The following FHIT variants were observed in gnomAD, a reference collection of about 807,000 sequenced individuals.
FHIT encodes fragile histidine triad diadenosine triphosphatase, also known as bis(5'-adenosyl)-triphosphatase.
A neutral mutation model predicts 17.9 loss-of-function variants in FHIT; 19 were observed. The observed-to-expected ratio is 1.06, with a 90% CI of 0.74 to 1.56. FHIT has a LOEUF of 1.56. FHIT is among the 40% of genes most tolerant of loss of function. The pLI is 0.00. For synonymous variants in FHIT, 81 were observed against 69.7 expected (o/e 1.16, Z -0.81); for missense variants, 248 against 189.2 (o/e 1.31, Z -1.82).
chr3:60,709,166 T>C (rs1261379365), intron 4 of FHIT, among the ~76,000 whole-genome samples: 1 of 152,132 alleles, frequency 6.6e-6, no homozygotes, highest in African/African-American at 2.4e-5. Flanking sequence ...CAGAAAACTT[T>C]CAAAACACTA....
chr3:60,759,459 T>A (rs1253866317), intron 4 of FHIT, among the ~76,000 whole-genome samples: 8 of 152,078 alleles, frequency 5.3e-5, no homozygotes, highest in African/African-American at 1.9e-4. Flanking sequence ...AAAACATCAG[T>A]ATTTAACCTT....
At chr3:60,151,038 G>T (rs1293192720) in intron 5 of FHIT, among the ~76,000 whole-genome samples, 1 of 152,176 alleles carries the variant, frequency 6.6e-6, no homozygotes, top group Non-Finnish European at 1.5e-5. Flanking sequence ...CATTGTTTGT[G>T]TGAGTTATAA....
At chr3:60,342,295 G>A (rs1449061707) in intron 5 of FHIT, among the ~76,000 whole-genome samples, 2 of 152,314 alleles carry the variant, frequency 1.3e-5, no homozygotes, top group Middle Eastern at 3.4e-3. Flanking sequence ...ATATCAGGCA[G>A]CTGATCACTC....
chr3:60,440,963 A>G (rs766101438), intron 5 of FHIT, among the ~76,000 whole-genome samples: 53 of 152,240 alleles, frequency 3.5e-4, no homozygotes, highest in Admixed American at 1.4e-3. Context: ...CAGCAAGAGA[A>G]ATGTATTATG....
intron 8 of FHIT, among the ~76,000 whole-genome samples, chr3:59,753,369 A>G (rs1486890533): frequency 6.6e-6 from 1 of 152,230 alleles, no homozygotes; most frequent in African/African-American, 2.4e-5. Context: ...AGGCATATTT[A>G]AAAAATTGTG....
intron 8 of FHIT, among the ~76,000 whole-genome samples, chr3:59,758,978 T>C (rs1022541630): frequency 3.3e-5 from 5 of 152,088 alleles, no homozygotes; most frequent in Non-Finnish European, 5.9e-5. Flanking sequence ...AATTTCATGT[T>C]ATAAGAACTC....
At chr3:60,121,616 G>T (rs570861647) in intron 5 of FHIT, among the ~76,000 whole-genome samples, 1 of 151,936 alleles carries the variant, frequency 6.6e-6, no homozygotes, top group Non-Finnish European at 1.5e-5. Flanking sequence ...CCAAGGAGGC[G>T]GAGGTGGCAG....
chr3:60,233,093 A>C (rs1374872874), intron 5 of FHIT, among the ~76,000 whole-genome samples: 1 of 152,136 alleles, frequency 6.6e-6, no homozygotes, highest in Admixed American at 6.5e-5. Context: ...ATGAGCTGAT[A>C]ATTATTGAAA....
At chr3:60,274,820 A>G (rs538778264) in intron 5 of FHIT, among the ~76,000 whole-genome samples, 1 of 152,312 alleles carries the variant, frequency 6.6e-6, no homozygotes, top group African/African-American at 2.4e-5. Flanking sequence ...AGCACAGCCT[A>G]TGTATTGAAG....
intron 3 of FHIT, among the ~76,000 whole-genome samples, chr3:60,919,914 G>A (rs1003849407): frequency 6.6e-6 from 1 of 151,978 alleles, no homozygotes; most frequent in East Asian, 1.9e-4. Context: ...TGTGCCTGTA[G>A]TCCCAGCTAC....
chr3:60,724,647 GTTTTTTTTTTTTGTT>G (rs1323108077), intron 4 of FHIT, among the ~76,000 whole-genome samples: 2 of 119,908 alleles, frequency 1.7e-5, no homozygotes, highest in Non-Finnish European at 3.5e-5. Flanking sequence ...TTAACTGTCT[GTTTTTTTTTTTTGTT>G]TTTTTTTTTT....
intron 4 of FHIT, among the ~76,000 whole-genome samples, chr3:60,815,773 T>C (rs1553737467): frequency 6.6e-6 from 1 of 152,060 alleles, no homozygotes; most frequent in African/African-American, 2.4e-5. Context: ...TGAAATATGG[T>C]AGAGTAGTTT....
intron 3 of FHIT, among the ~76,000 whole-genome samples, chr3:60,973,007 T>C (rs73836073): frequency 6.6e-6 from 1 of 152,212 alleles, no homozygotes; most frequent in African/African-American, 2.4e-5. Context: ...ATAGATCTTA[T>C]AGCTCCAATT....
intron 2 of FHIT, among the ~76,000 whole-genome samples, chr3:61,063,410 G>A (rs934523538): frequency 6.6e-6 from 1 of 152,174 alleles, no homozygotes; most frequent in Admixed American, 6.5e-5. Flanking sequence ...TATGTATTAT[G>A]TCAAAAGCCA....
intron 5 of FHIT, among the ~76,000 whole-genome samples, chr3:60,513,776 A>C (rs2035036744): frequency 6.6e-6 from 1 of 152,130 alleles, no homozygotes; most frequent in African/African-American, 2.4e-5. Flanking sequence ...GCCTTAAATG[A>C]GAATAGGCAT....
intron 4 of FHIT, among the ~76,000 whole-genome samples, chr3:60,697,712 C>T (rs1429039961): frequency 6.6e-6 from 1 of 152,042 alleles, no homozygotes; most frequent in African/African-American, 2.4e-5. Flanking sequence ...TAATATGATA[C>T]ATTTGTGTTT....
intron 5 of FHIT, among the ~76,000 whole-genome samples, chr3:60,132,092 A>G (rs1310650991): frequency 6.6e-6 from 1 of 152,110 alleles, no homozygotes; most frequent in East Asian, 1.9e-4. Flanking sequence ...GGACCTTCAC[A>G]TCTTTCAGGC....
intron 1 of FHIT, among the ~76,000 whole-genome samples, chr3:61,212,175 A>C (rs928074549): frequency 5.3e-5 from 8 of 152,212 alleles, no homozygotes; most frequent in Non-Finnish European, 7.3e-5. Flanking sequence ...AAGTTGAGAG[A>C]AGAAGGCTTC....
chr3:60,200,777 T>A (rs149816090), intron 5 of FHIT, among the ~76,000 whole-genome samples: 7 of 152,120 alleles, frequency 4.6e-5, no homozygotes, highest in Admixed American at 3.9e-4. Flanking sequence ...TTGATGATAT[T>A]CGGTTAAAAA....
Sources: gnomAD v4.1 joint callset for allele counts (sites outside exome capture counted in the v4.1 genomes callset) on GRCh38, gnomAD v4.1.1 for gene constraint, MANE v1.5 for transcripts, NCBI Gene and HGNC (gene_info 2026-07-23, HGNC 2026-07-21) for gene names.